Variants in PTPRD observed in about 807,000 individuals in gnomAD.
The protein encoded by PTPRD is receptor-type tyrosine-protein phosphatase delta.
PTPRD carries 34 observed loss-of-function variants against 214.5 expected under a neutral mutation model. The observed-to-expected ratio is 0.16, with a 90% confidence interval of 0.12 to 0.21. PTPRD has a LOEUF of 0.21. Among genes scored for constraint, PTPRD ranks in the 10% least tolerant of loss-of-function variants. PTPRD has a pLI of 1.00. For missense variants in PTPRD, 2,545 were observed against 2,398.7 expected (o/e 1.06, Z -1.27); for synonymous variants, 1,128 against 845.7 (o/e 1.33, Z -5.79).
At chr9:9,709,027 G>T (rs938926686) in intron 7 of PTPRD, among the ~76,000 whole-genome samples, 1 of 151,872 alleles carries the variant, frequency 6.6e-6, no homozygotes, top group Non-Finnish European at 1.5e-5. Context: ...CAAGTCTGCA[G>T]TCTTAATTTC....
rs113939783 is a variant in PTPRD at position 9,874,660 on chromosome 9, A to G, written c.-368+63847T>C. Among the ~76,000 whole-genome samples the G allele has an allele frequency of 3.3e-4, 50 of 152,324 alleles. 2 individuals are homozygous for G. Among genetic ancestry groups the G allele is most frequent in the African/African-American group, 1.1e-3 (47 of 41,588 alleles). ...ACTTTGAAATATGTTTTTGCTTTCT[A>G]TCAAGCAATATGTTCACAGTCCTCC... On this transcript the variant is annotated intron_variant, in intron 5 of 45. Transcript: ENST00000381196.
intron 3 of PTPRD, among the ~76,000 whole-genome samples, chr9:10,120,683 T>C (rs1470813426): frequency 6.6e-6 from 1 of 152,000 alleles, no homozygotes; most frequent in Admixed American, 6.6e-5. Context: ...AAAAATTTGC[T>C]TAAAAACATA....
chr9:9,409,966 TCTGA>T (rs1334806122), intron 8 of PTPRD, among the ~76,000 whole-genome samples: 1 of 152,176 alleles, frequency 6.6e-6, no homozygotes, highest in Non-Finnish European at 1.5e-5. Context: ...TGTTGGCCTG[TCTGA>T]CTACCATCTT....
intron 14 of PTPRD, among the ~76,000 whole-genome samples, chr9:8,567,058 TTTATC>T (rs1340739846): frequency 2.6e-5 from 4 of 152,190 alleles, no homozygotes; most frequent in Non-Finnish European, 4.4e-5. Flanking sequence ...ATCTCTCCTA[TTTATC>T]TTATTTGTAA....
chr9:9,396,223 A>G (rs1400036037), intron 9 of PTPRD, among the ~76,000 whole-genome samples: 1 of 152,012 alleles, frequency 6.6e-6, no homozygotes, highest in Non-Finnish European at 1.5e-5. Flanking sequence ...TGAAAAATTA[A>G]TGTCTTGATT....
At chr9:8,472,215 A>G (rs929895566) in intron 30 of PTPRD, among the ~76,000 whole-genome samples, 1 of 152,156 alleles carries the variant, frequency 6.6e-6, no homozygotes, top group African/African-American at 2.4e-5. Context: ...TATGTGTCAT[A>G]AAGTATTTTC....
intron 2 of PTPRD, among the ~76,000 whole-genome samples, chr9:10,588,222 TCA>T: frequency 6.6e-6 from 1 of 152,214 alleles, no homozygotes; most frequent in East Asian, 1.9e-4. Flanking sequence ...ATGAGTGCTC[TCA>T]GTTTTATAGT....
At chr9:10,407,269 T>G (rs1033786943) in intron 2 of PTPRD, among the ~76,000 whole-genome samples, 1 of 151,590 alleles carries the variant, frequency 6.6e-6, no homozygotes, top group Non-Finnish European at 1.5e-5. Context: ...GGCTATGGAT[T>G]TAAAATGAAT....
chr9:9,292,290 A>T (rs1349832208), intron 9 of PTPRD, among the ~76,000 whole-genome samples: 1 of 151,326 alleles, frequency 6.6e-6, no homozygotes, highest in Non-Finnish European at 1.5e-5. Context: ...GTGATAGAAG[A>T]CTTCAAAGTC....
chr9:9,338,643 T>A (rs1033285557), intron 9 of PTPRD, among the ~76,000 whole-genome samples: 9 of 152,134 alleles, frequency 5.9e-5, no homozygotes, highest in Admixed American at 4.6e-4. Flanking sequence ...ATTTTTAAAA[T>A]CTAAAGCCTT....
intron 14 of PTPRD, among the ~76,000 whole-genome samples, chr9:8,529,844 G>C (rs1428033689): frequency 6.6e-6 from 1 of 152,056 alleles, no homozygotes; most frequent in African/African-American, 2.4e-5. Context: ...ACAACGTGCA[G>C]GTTTGTTACA....
chr9:10,560,945 T>G (rs1294337355), intron 2 of PTPRD, among the ~76,000 whole-genome samples: 1 of 152,106 alleles, frequency 6.6e-6, no homozygotes, highest in Non-Finnish European at 1.5e-5. Flanking sequence ...CTAGAAGAAG[T>G]GTGATCTTGA....
At chr9:9,373,126 A>G (rs940022550) in intron 9 of PTPRD, among the ~76,000 whole-genome samples, 1 of 152,016 alleles carries the variant, frequency 6.6e-6, no homozygotes, top group African/African-American at 2.4e-5. Context: ...TTTTGGAACT[A>G]ATAGTTTTCA....
In PTPRD at chr9:9,956,544, T is replaced by C. The variant is rs1024791605; in HGVS notation, c.-471-17934A>G. Among the ~76,000 whole-genome samples, 7 of 152,262 alleles carry C rather than the reference T, an allele frequency of 4.6e-5. No individual in the cohort carries two copies. In the East Asian group the frequency reaches 9.6e-4, roughly 21 times the overall value. ...TAATATTAAAAATATTCAAAATTAA[T>C]ACAGAAGATACATATGTTTTGTTAT... is the stretch of plus-strand genomic sequence containing the variant. On this transcript the variant is annotated intron_variant, in intron 4 of 45. Coordinates refer to ENST00000381196, the MANE Select transcript of PTPRD (RefSeq NM_002839.4).
chr9:8,737,296 G>T (rs184569285), intron 11 of PTPRD, among the ~76,000 whole-genome samples: 1 of 152,126 alleles, frequency 6.6e-6, no homozygotes, highest in Non-Finnish European at 1.5e-5. Flanking sequence ...AAGATGAAAC[G>T]TATTCTAAAT....
intron 3 of PTPRD, among the ~76,000 whole-genome samples, chr9:10,188,109 G>T (rs533980833): frequency 1.3e-5 from 2 of 152,172 alleles, no homozygotes; most frequent in East Asian, 3.9e-4. Flanking sequence ...AAAACCCATG[G>T]TATTTCATGC....
rs371626405 is a variant in PTPRD, at chr9:10,431,476, A to C, written c.-599-90459T>G. 1.7e-4 allele frequency among the ~76,000 whole-genome samples: 26 copies of C among 152,254 alleles called. No individual in the cohort carries two copies. In the East Asian group the frequency reaches 4.8e-3, roughly 28 times the overall value. The stretch of plus-strand genomic sequence containing the variant: ...AAAGAGCTTCTGCACAGCAGAAGAA[A>C]CTACCATCAGAGTGAACAGGCAACC... On this transcript the variant is annotated intron_variant, in intron 2 of 45. Coordinates refer to ENST00000381196, the MANE Select transcript of PTPRD (RefSeq NM_002839.4).
intron 11 of PTPRD, among the ~76,000 whole-genome samples, chr9:9,014,301 G>C (rs2099525259): frequency 6.6e-6 from 1 of 150,904 alleles, no homozygotes; most frequent in Non-Finnish European, 1.5e-5. Context: ...AATCTGAACA[G>C]AAATGTGCTT....
rs536445534 is a variant in PTPRD at position 10,201,607 on chromosome 9, T to C, written c.-545+139356A>G. On this transcript the variant is annotated intron_variant, in intron 3 of 45. Transcript: ENST00000381196. Reference sequence around the variant, plus strand: ...GTGTGTGTGTGCATGTGTGTGTGTATATGAATTTTCTTTATCTGTTTTATT... The same window carrying C: ...GTGTGTGTGTGCATGTGTGTGTGTACATGAATTTTCTTTATCTGTTTTATT... Among the ~76,000 whole-genome samples, 6 of 152,154 alleles carry C rather than the reference T, an allele frequency of 3.9e-5. No homozygotes were observed. The East Asian group carries it at 9.7e-4, about 25-fold the overall frequency.
Sources: gnomAD v4.1 joint callset for allele counts (sites outside exome capture counted in the v4.1 genomes callset) on GRCh38, gnomAD v4.1.1 for gene constraint, MANE v1.5 for transcripts, NCBI Gene and HGNC (gene_info 2026-07-23, HGNC 2026-07-21) for gene names.